METTL25: variants seen among roughly 807,000 people sequenced by gnomAD.
METTL25 encodes the protein probable methyltransferase-like protein 25.
Under a neutral mutation model 71.6 loss-of-function variants are expected in METTL25, and 64 were observed. The ratio of observed to expected loss-of-function variants is 0.89; its 90% CI spans 0.73 to 1.10. The LOEUF (loss-of-function observed/expected upper bound fraction) is 1.10. Among genes scored for constraint, METTL25 ranks in the 50% least tolerant of loss-of-function variants. METTL25 has a pLI of 0.00. For synonymous variants in METTL25, 287 were observed against 250.3 expected (o/e 1.15, Z -1.38); for missense variants, 807 against 707.0 (o/e 1.14, Z -1.60).
At chr12:82,421,518 A>G (rs7488252) in intron 5 of METTL25, among the ~76,000 whole-genome samples, 1 of 151,974 alleles carries the variant, frequency 6.6e-6, no homozygotes, top group Admixed American at 6.6e-5. Flanking sequence ...CCAATGAAAT[A>G]TCCATTTGGA....
At chr12:82,477,568 A>G (rs1892949885) in intron 11 of METTL25, among the ~76,000 whole-genome samples, 1 of 151,812 alleles carries the variant, frequency 6.6e-6, no homozygotes, top group Non-Finnish European at 1.5e-5. Flanking sequence ...TAAAGTTTAC[A>G]TTCTTTTAAT....
At chr12:82,453,860 T>A (rs544594956) in intron 8 of METTL25, among the ~76,000 whole-genome samples, 1 of 152,246 alleles carries the variant, frequency 6.6e-6, no homozygotes, top group South Asian at 2.1e-4. Flanking sequence ...CTGTGTGAGG[T>A]ACTATGCTAG....
intron 8 of METTL25, among the ~76,000 whole-genome samples, chr12:82,444,525 G>A (rs1565870795): frequency 6.6e-6 from 1 of 152,090 alleles, no homozygotes; most frequent in Non-Finnish European, 1.5e-5. Context: ...TACTGTAAAT[G>A]TGATACGCCA....
intron 5 of METTL25, among the ~76,000 whole-genome samples, chr12:82,416,631 G>C (rs1888010869): frequency 6.6e-6 from 1 of 151,398 alleles, no homozygotes; most frequent in African/African-American, 2.4e-5. Flanking sequence ...GTTTTGTTTT[G>C]TTTTGTTTTG....
intron 7 of METTL25, 124 bp downstream of exon 7, chr12:82,434,848 A>G: frequency 1.2e-6 from 1 of 812,140 alleles, no homozygotes; most frequent in South Asian, 1.6e-5. Flanking sequence ...ATGCATATTC[A>G]AATTTGTGCA....
At chr12:82,369,421 C>T in intron 1 of METTL25, 1 of 443,990 alleles carries the variant, frequency 2.3e-6, no homozygotes, top group South Asian at 1.6e-5. Context: ...AAGAATGAAG[C>T]CACGGACCTT....
At chr12:82,412,592 A>G (rs777371653) in intron 5 of METTL25, among the ~76,000 whole-genome samples, 19 of 152,118 alleles carry the variant, frequency 1.2e-4, no homozygotes, top group Non-Finnish European at 2.5e-4. Context: ...AAACATCGCT[A>G]TATAAATTTG....
intron 8 of METTL25, among the ~76,000 whole-genome samples, chr12:82,443,224 C>G (rs1250097115): frequency 6.6e-6 from 1 of 151,740 alleles, no homozygotes; most frequent in African/African-American, 2.4e-5. Flanking sequence ...AAGAAAAGTT[C>G]TAGACACGTA....
intron 9 of METTL25, among the ~76,000 whole-genome samples, chr12:82,469,720 T>A (rs2137298079): frequency 6.6e-6 from 1 of 151,898 alleles, no homozygotes; most frequent in South Asian, 2.1e-4. Context: ...ATTATTGAGG[T>A]TAATCTTTAT....
At chr12:82,391,766 C>A (rs897397253) in intron 3 of METTL25, among the ~76,000 whole-genome samples, 1 of 145,148 alleles carries the variant, frequency 6.9e-6, no homozygotes. Flanking sequence ...AGTGGAATTG[C>A]TAGATCATAT....
At chr12:82,366,088 A>AAT (rs1882538375) in intron 1 of METTL25, among the ~76,000 whole-genome samples, 1 of 152,054 alleles carries the variant, frequency 6.6e-6, no homozygotes, top group Non-Finnish European at 1.5e-5. Context: ...TCTCAAAAAA[A>AAT]TTTAAAAAAA....
Position 82,478,972 on chromosome 12 carries a change from C to T in METTL25, c.1760C>T (p.Pro587Leu). The change falls in exon 12 of 12, where the codon CCC becomes CTC. Residue 587 changes from proline to leucine, a missense_variant. Transcript: ENST00000248306. ...AWSALVKLFD[P>L]VKSPRCYAVI... Reference sequence around the variant, plus strand: ...TCTGCTCTTGTGAAGTTGTTTGATCCCGTGAAATCTCCCAGATGTTATGCT... The same window carrying T: ...TCTGCTCTTGTGAAGTTGTTTGATCTCGTGAAATCTCCCAGATGTTATGCT... 1.2e-6 allele frequency: 2 copies of T among 1,612,562 alleles called. No individual in the cohort carries two copies. The highest frequency in any genetic ancestry group is 1.7e-6 in the Non-Finnish European group (2 of 1,179,006).
rs988406980 is a variant in METTL25, at chr12:82,389,685, A to C, written c.425-131A>C. On this transcript the variant is annotated intron_variant, in intron 2 of 11. Transcript: ENST00000248306. ...ATTTATAGTGGCTAAGCTAGTAGAG[A>C]TCTATCCAGAAACCACAGTAGAATC... 1.8e-5 allele frequency: 10 copies of C among 547,910 alleles called. No individual in the cohort carries two copies. The Admixed American group carries it at 3.2e-4, about 18-fold the overall frequency. 33.9% of individuals were successfully genotyped at this position (547,910 alleles called of 1,614,324 possible).
chr12:82,476,763 C>A lies in METTL25; in HGVS notation c.1647+45C>A, dbSNP rs144423794. On this transcript the variant is annotated intron_variant, in intron 10 of 11. Coordinates refer to ENST00000248306, the MANE Select transcript of METTL25 (RefSeq NM_032230.3). ...ATATTAAATTGGATATGTTGCTAGA[C>A]TTGAATAGGGTCCTATTAAATTTTA... 2.0e-3 allele frequency: 2,453 copies of A among 1,240,430 alleles called. 36 individuals are homozygous for A. The African/African-American group carries it at 0.033, about 17-fold the overall frequency. 76.8% of individuals were successfully genotyped at this position (1,240,430 alleles called of 1,614,324 possible).
At chr12:82,460,222 C>A (rs973977880) in intron 9 of METTL25, among the ~76,000 whole-genome samples, 1 of 152,120 alleles carries the variant, frequency 6.6e-6, no homozygotes, top group Non-Finnish European at 1.5e-5. Flanking sequence ...TCTAGACCCC[C>A]CTTATATAGA....
intron 8 of METTL25, among the ~76,000 whole-genome samples, chr12:82,453,659 T>G (rs1317198113): frequency 6.6e-6 from 1 of 152,154 alleles, no homozygotes; most frequent in Non-Finnish European, 1.5e-5. Flanking sequence ...TACATATTTC[T>G]TCAGTAGCTC....
rs1033730185 is a variant in METTL25 at position 82,446,611 on chromosome 12, C to CTT, written c.1478+7836_1478+7837dup. 3.0e-3 allele frequency among the ~76,000 whole-genome samples: 403 copies of CTT among 134,346 alleles called. 2 individuals are homozygous for CTT. Among genetic ancestry groups the CTT allele is most frequent in the African/African-American group, 9.7e-3 (360 of 37,064 alleles). The allele number at this position is 134,346 out of a possible 152,430, so 88.1% of individuals were successfully genotyped here. On this transcript the variant is annotated intron_variant, in intron 8 of 11. Coordinates refer to ENST00000248306, the MANE Select transcript of METTL25 (RefSeq NM_032230.3). Reference sequence around the variant, plus strand: ...AGTTAAAAAGGAAATTTTAAAATTTCTTTTTTTTTTTTTTTTTGTTTTTGA... The same window carrying CTT: ...AGTTAAAAAGGAAATTTTAAAATTTCTTTTTTTTTTTTTTTTTTTGTTTTTGA...
chr12:82,386,470 C>A (rs909641150), intron 1 of METTL25, among the ~76,000 whole-genome samples: 1 of 128,152 alleles, frequency 7.8e-6, no homozygotes, highest in Admixed American at 8.4e-5. Flanking sequence ...TCTCTCCCTT[C>A]CTCCCTCCCT....
At chr12:82,425,215 C>T (rs1888916650) in intron 5 of METTL25, among the ~76,000 whole-genome samples, 1 of 152,000 alleles carries the variant, frequency 6.6e-6, no homozygotes, top group African/African-American at 2.4e-5. Flanking sequence ...CCACCTTGTG[C>T]TTTAAAAAGC....
Sources: allele counts gnomAD v4.1 joint callset (sites outside exome capture counted in the v4.1 genomes callset), GRCh38; gene constraint gnomAD v4.1.1; transcripts MANE v1.5; gene names NCBI Gene and HGNC (gene_info 2026-07-23, HGNC 2026-07-21).